Variants in PRKN observed in about 807,000 individuals in gnomAD.
PRKN encodes parkin RBR E3 ubiquitin protein ligase, also known as E3 ubiquitin-protein ligase parkin.
In PRKN, 56 loss-of-function variants were observed where a neutral mutation model predicts 59.5. The ratio of observed to expected loss-of-function variants is 0.94; its 90% CI spans 0.76 to 1.18. The LOEUF is 1.18. Ranked by LOEUF, PRKN falls within the 50% of genes most tolerant of loss-of-function variation. The pLI is 0.00. For missense variants in PRKN, 657 were observed against 596.4 expected (o/e 1.10, Z -1.06); for synonymous variants, 250 against 222.1 (o/e 1.13, Z -1.12).
chr6:162,591,233 T>C (rs1215555593), intron 1 of PRKN, among the ~76,000 whole-genome samples: 1 of 151,844 alleles, frequency 6.6e-6, no homozygotes, highest in Non-Finnish European at 1.5e-5. Flanking sequence ...CTTTTTTTTT[T>C]GTAAGTGTCA....
At chr6:162,333,745 G>A (rs1239287381) in intron 2 of PRKN, among the ~76,000 whole-genome samples, 1 of 150,176 alleles carries the variant, frequency 6.7e-6, no homozygotes, top group South Asian at 2.1e-4. Context: ...AGGCAGAGTT[G>A]CATGTCTCTC....
chr6:162,178,318 G>A (rs1165634703), intron 4 of PRKN, among the ~76,000 whole-genome samples: 6 of 152,214 alleles, frequency 3.9e-5, no homozygotes, highest in Admixed American at 2.0e-4. Flanking sequence ...AGTCTCTTTT[G>A]ACATGCTTAA....
intron 4 of PRKN, among the ~76,000 whole-genome samples, chr6:162,102,063 T>C (rs982179493): frequency 3.9e-5 from 6 of 152,224 alleles, no homozygotes; most frequent in African/African-American, 9.7e-5. Flanking sequence ...CCAGGGTCCA[T>C]GTACAGGACG....
At chr6:161,726,167 T>G (rs553839725) in intron 7 of PRKN, among the ~76,000 whole-genome samples, 6 of 152,236 alleles carry the variant, frequency 3.9e-5, no homozygotes, top group African/African-American at 1.4e-4. Context: ...AAATAAAATT[T>G]AGTTCACTTT....
At chr6:162,531,046 G>A (rs1778490694) in intron 1 of PRKN, among the ~76,000 whole-genome samples, 1 of 110,016 alleles carries the variant, frequency 9.1e-6, no homozygotes, top group African/African-American at 3.3e-5. Flanking sequence ...AACAGAGCAA[G>A]ACTCCATCTC....
intron 1 of PRKN, among the ~76,000 whole-genome samples, chr6:162,453,014 AT>A (rs1396985300): frequency 6.6e-6 from 1 of 152,208 alleles, no homozygotes; most frequent in East Asian, 1.9e-4. Context: ...ACTTAAGACT[AT>A]GCTGCCACCA....
intron 5 of PRKN, among the ~76,000 whole-genome samples, chr6:162,047,221 G>A (rs1784287494): frequency 1.3e-5 from 2 of 152,200 alleles, no homozygotes; most frequent in African/African-American, 2.4e-5. Flanking sequence ...AGAAGGAAAA[G>A]GGGAGTGAAT....
At chr6:162,218,146 G>T (rs569353736) in intron 3 of PRKN, among the ~76,000 whole-genome samples, 1 of 152,186 alleles carries the variant, frequency 6.6e-6, no homozygotes, top group African/African-American at 2.4e-5. Context: ...GAGTCTCTGG[G>T]AGCACTTGCT....
intron 4 of PRKN, among the ~76,000 whole-genome samples, chr6:162,069,855 T>C (rs1175324251): frequency 2.0e-5 from 3 of 152,196 alleles, no homozygotes; most frequent in Non-Finnish European, 2.9e-5. Flanking sequence ...TGATATTATA[T>C]GAATAATGAA....
At chr6:161,678,970 T>C (rs1453979080) in intron 7 of PRKN, among the ~76,000 whole-genome samples, 1 of 152,074 alleles carries the variant, frequency 6.6e-6, no homozygotes, top group African/African-American at 2.4e-5. Context: ...CCAGGAGAAG[T>C]GAATTGAGCT....
rs1025631057 is a variant in PRKN, at chr6:161,373,143, G to T, written c.1168-12938C>A. ...TTTTTCTCTTCTCTGGGAAACCGAG[G>T]TCTTTGCTCGTCAGGCCTTCCATGG... On this transcript the variant is annotated intron_variant, in intron 10 of 11. Coordinates refer to ENST00000366898, the MANE Select transcript of PRKN (RefSeq NM_004562.3). The surrounding 1 kb of genome is among the most constrained non-coding windows in gnomAD (Gnocchi z 4.8). 6.6e-6 allele frequency among the ~76,000 whole-genome samples: 1 copy of T among 152,110 alleles called. No individual in the cohort carries two copies. The highest frequency in any genetic ancestry group is 1.5e-5 in the Non-Finnish European group (1 of 68,028).
At chr6:162,610,797 C>T (rs1385828280) in intron 1 of PRKN, among the ~76,000 whole-genome samples, 1 of 152,100 alleles carries the variant, frequency 6.6e-6, no homozygotes, top group South Asian at 2.1e-4. Flanking sequence ...ATTTACATCT[C>T]TATAGCAGGA....
intron 1 of PRKN, among the ~76,000 whole-genome samples, chr6:162,565,732 ACATACAT>A (rs1362051144): frequency 6.9e-6 from 1 of 145,842 alleles, no homozygotes; most frequent in African/African-American, 2.5e-5. Context: ...ATACATACAT[ACATACAT>A]ATAATGAATG....
At chr6:162,339,982 T>C (rs534319491) in intron 2 of PRKN, among the ~76,000 whole-genome samples, 3 of 147,796 alleles carry the variant, frequency 2.0e-5, no homozygotes, top group African/African-American at 7.6e-5. Context: ...TCTCAAGTAA[T>C]CAGGGACACA....
chr6:162,134,556 A>C (rs553841835), intron 4 of PRKN, among the ~76,000 whole-genome samples: 1 of 152,298 alleles, frequency 6.6e-6, no homozygotes, highest in Non-Finnish European at 1.5e-5. Flanking sequence ...CATGGAATTT[A>C]TTTAACTAGA....
At chr6:162,718,809 C>T (rs1317625052) in intron 1 of PRKN, among the ~76,000 whole-genome samples, 1 of 151,946 alleles carries the variant, frequency 6.6e-6, no homozygotes, top group East Asian at 1.9e-4. Context: ...ACATAAAAAA[C>T]AAGCACAGAG....
chr6:162,029,285 A>G (rs1783552750), intron 5 of PRKN, among the ~76,000 whole-genome samples: 1 of 152,188 alleles, frequency 6.6e-6, no homozygotes, highest in South Asian at 2.1e-4. Context: ...TCTTACAGAT[A>G]CTTTTATTAA....
At chr6:161,931,047 C>T (rs565925542) in intron 6 of PRKN, among the ~76,000 whole-genome samples, 1 of 152,326 alleles carries the variant, frequency 6.6e-6, no homozygotes, top group African/African-American at 2.4e-5. Context: ...TTAGCCACTA[C>T]ATTTGTGGTA....
At chr6:162,029,179 C>A (rs1341938448) in intron 5 of PRKN, among the ~76,000 whole-genome samples, 1 of 152,028 alleles carries the variant, frequency 6.6e-6, no homozygotes, top group Non-Finnish European at 1.5e-5. Flanking sequence ...AGAAACAAAC[C>A]CACCCACCTC....
Sources: allele counts gnomAD v4.1 joint callset (sites outside exome capture counted in the v4.1 genomes callset), GRCh38; gene constraint gnomAD v4.1.1; non-coding constraint Gnocchi (gnomAD v3.1); transcripts MANE v1.5; gene names NCBI Gene and HGNC (gene_info 2026-07-23, HGNC 2026-07-21).